The following NRG1 variants were observed in gnomAD, a reference collection of about 807,000 sequenced individuals.
NRG1 encodes the protein pro-neuregulin-1, membrane-bound isoform.
A neutral mutation model predicts 63.8 loss-of-function variants in NRG1; 18 were observed. That is an observed-to-expected ratio of 0.28 (90% confidence interval 0.19 to 0.42). The LOEUF is 0.42. NRG1 is among the 10% of genes least tolerant of loss of function. NRG1 has a pLI of 1.00. For synonymous variants in NRG1, 302 were observed against 301.3 expected (o/e 1.00, Z -0.02); for missense variants, 762 against 814.7 (o/e 0.94, Z 0.79).
At chr8:32,262,884 G>T (rs1259658843) in intron 1 of NRG1, among the ~76,000 whole-genome samples, 2 of 152,146 alleles carry the variant, frequency 1.3e-5, no homozygotes, top group Admixed American at 6.6e-5. Context: ...AATCATGAGA[G>T]TTTGCCAAGC....
intron 1 of NRG1, among the ~76,000 whole-genome samples, chr8:32,236,128 TATGTGTGTGTGTGTGTGTGA>T (rs1847527162): frequency 6.6e-6 from 1 of 151,666 alleles, no homozygotes. Context: ...TTTGTGTGTG[TATGTGTGTGTGTGTGTGTGA>T]ATGTGTGTGT....
At chr8:31,721,139 G>C (rs1304449580) in intron 1 of NRG1, among the ~76,000 whole-genome samples, 1 of 152,012 alleles carries the variant, frequency 6.6e-6, no homozygotes, top group Admixed American at 6.6e-5. Flanking sequence ...GTGTAAGTGG[G>C]GCTTCTGTTT....
rs558904771 is a variant in NRG1 at position 32,174,994 on chromosome 8, A to T, written c.38-420834A>T. Among the ~76,000 whole-genome samples the T allele has an allele frequency of 5.9e-5, 9 of 152,354 alleles. No homozygotes were observed. The East Asian group carries it at 1.7e-3, about 29-fold the overall frequency. ...TAACTCATTTTATGAGGCCAGCACC[A>T]TCCTGATACCAAAGCCTGGCAGAGA... On this transcript the variant is annotated intron_variant, in intron 1 of 10. Coordinates refer to the NRG1 transcript ENST00000519301.
intron 1 of NRG1, among the ~76,000 whole-genome samples, chr8:31,784,010 G>A (rs1303763651): frequency 6.6e-6 from 1 of 152,138 alleles, no homozygotes; most frequent in Non-Finnish European, 1.5e-5. Context: ...ACTAATGCAT[G>A]GATATGTGAT....
At chr8:32,394,639 T>A (rs1373486221) in intron 1 of NRG1, among the ~76,000 whole-genome samples, 1 of 152,208 alleles carries the variant, frequency 6.6e-6, no homozygotes, top group Non-Finnish European at 1.5e-5. Context: ...CACTTATCCC[T>A]TACCTCGTGG....
intron 1 of NRG1, among the ~76,000 whole-genome samples, chr8:32,098,011 A>G (rs1202503808): frequency 6.6e-6 from 1 of 152,112 alleles, no homozygotes; most frequent in Non-Finnish European, 1.5e-5. Context: ...CCTCCATGTA[A>G]AGATTATAGA....
intron 5 of NRG1, among the ~76,000 whole-genome samples, chr8:32,631,471 G>T (rs1850298783): frequency 6.6e-6 from 1 of 152,202 alleles, no homozygotes; most frequent in African/African-American, 2.4e-5. Context: ...AAGCGACACA[G>T]CCGAACTTTC....
At chr8:32,350,016 A>C (rs1805395968) in intron 1 of NRG1, among the ~76,000 whole-genome samples, 1 of 152,158 alleles carries the variant, frequency 6.6e-6, no homozygotes, top group African/African-American at 2.4e-5. Context: ...AGGAAATGGG[A>C]TCAAACATTC....
intron 1 of NRG1, among the ~76,000 whole-genome samples, chr8:31,795,202 G>C (rs1488012796): frequency 6.6e-6 from 1 of 152,188 alleles, no homozygotes; most frequent in Non-Finnish European, 1.5e-5. Flanking sequence ...CTCTTAGGAT[G>C]AGCTGTCACA....
chr8:32,497,804 A>G (rs1414105030), intron 1 of NRG1, among the ~76,000 whole-genome samples: 2 of 152,148 alleles, frequency 1.3e-5, no homozygotes, highest in Non-Finnish European at 2.9e-5. Flanking sequence ...AGAGGCACAC[A>G]ATTTTATTTT....
Position 32,606,520 on chromosome 8 carries a change from C to T in NRG1, c.400+837C>T, listed in dbSNP as rs16879614. 8.9e-3 allele frequency among the ~76,000 whole-genome samples: 1,348 copies of T among 151,722 alleles called. 19 individuals are homozygous for T. The highest frequency in any genetic ancestry group is 0.031 in the African/African-American group (1,257 of 41,100). On this transcript the variant is annotated intron_variant, in intron 3 of 11. Transcript: ENST00000356819. ...TTCCAGGAAATTAAAAGAACCACCC[C>T]GATGGCTTTGTGTTTTGTAATAGCC...
At chr8:32,132,483 G>A (rs1834959462) in intron 1 of NRG1, among the ~76,000 whole-genome samples, 1 of 152,042 alleles carries the variant, frequency 6.6e-6, no homozygotes, top group African/African-American at 2.4e-5. Flanking sequence ...CAGGCAAGAG[G>A]CAGAGGAAAT....
chr8:31,822,587 GT>G (rs1824111137), intron 1 of NRG1, among the ~76,000 whole-genome samples: 1 of 152,162 alleles, frequency 6.6e-6, no homozygotes, highest in South Asian at 2.1e-4. Context: ...AAGGCAAAGT[GT>G]TTTTAGTTTG....
rs533079686 is a variant in NRG1, at chr8:31,755,615, C to T, written c.37+116184C>T. 2.6e-5 allele frequency among the ~76,000 whole-genome samples: 4 copies of T among 152,224 alleles called. No homozygotes were observed. The South Asian group carries it at 8.3e-4, about 32-fold the overall frequency. On this transcript the variant is annotated intron_variant, in intron 1 of 10. Coordinates refer to the NRG1 transcript ENST00000519301. ...AACCTTGCCTGCGGGTTAATGAATCCTTGCTCTGCTTCCTAGGGCTTTATG... is the reference window on the plus strand; with the variant it reads ...AACCTTGCCTGCGGGTTAATGAATCTTTGCTCTGCTTCCTAGGGCTTTATG...
At chr8:32,649,144 A>G (rs1248106516) in intron 5 of NRG1, among the ~76,000 whole-genome samples, 1 of 148,234 alleles carries the variant, frequency 6.7e-6, no homozygotes, top group Non-Finnish European at 1.5e-5. Context: ...TACAAGATCC[A>G]TTAGTGAGGT....
chr8:31,719,844 T>A (rs920052967), intron 1 of NRG1, among the ~76,000 whole-genome samples: 12 of 151,580 alleles, frequency 7.9e-5, no homozygotes, highest in South Asian at 2.1e-4. Context: ...GATTATGATT[T>A]TTTTTTTTAG....
intron 1 of NRG1, among the ~76,000 whole-genome samples, chr8:31,656,089 T>A (rs186538145): frequency 5.6e-4 from 86 of 152,234 alleles, no homozygotes; most frequent in Admixed American, 1.4e-3. Context: ...GACAAGGACA[T>A]GACATTTCTA....
chr8:32,587,365 T>A (rs577438366), intron 1 of NRG1, among the ~76,000 whole-genome samples: 1 of 152,292 alleles, frequency 6.6e-6, no homozygotes, highest in East Asian at 1.9e-4. Flanking sequence ...AGGGTCCAGT[T>A]TGAGAGTCCT....
intron 1 of NRG1, among the ~76,000 whole-genome samples, chr8:32,309,828 C>T (rs748436078): frequency 2.6e-5 from 4 of 152,194 alleles, no homozygotes; most frequent in African/African-American, 4.8e-5. Flanking sequence ...CCCCAAATTC[C>T]GCCTCCCACC....
Sources: gnomAD v4.1 joint callset for allele counts (sites outside exome capture counted in the v4.1 genomes callset) on GRCh38, gnomAD v4.1.1 for gene constraint, MANE v1.5 for transcripts, NCBI Gene and HGNC (gene_info 2026-07-23, HGNC 2026-07-21) for gene names.